Variants in AGBL5 observed in about 807,000 individuals in gnomAD.
AGBL5 encodes the protein AGBL carboxypeptidase 5, also known as cytosolic carboxypeptidase-like protein 5.
In AGBL5, 51 loss-of-function variants were observed where a neutral mutation model predicts 88.0. That is an observed-to-expected ratio of 0.58 (90% CI 0.46 to 0.73). AGBL5 has a LOEUF of 0.73. Among genes scored for constraint, AGBL5 ranks in the 30% least tolerant of loss-of-function variants. The pLI, the probability that AGBL5 is intolerant of heterozygous loss-of-function variation, is 0.00. For synonymous variants in AGBL5, 446 were observed against 438.8 expected (o/e 1.02, Z -0.21); for missense variants, 1,031 against 1,162.2 (o/e 0.89, Z 1.64).
At chr2:27,051,286 A>C (rs1268860114), upstream of AGBL5, 1 of 152,230 alleles carries the variant, frequency 6.6e-6, no homozygotes, top group South Asian at 2.1e-4. Context: ...CGCATCCTCC[A>C]CTCAGCTTTT....
intron 13 of AGBL5, 133 bp from the exon 14 acceptor site, chr2:27,069,440 A>G (rs1669165173): frequency 6.6e-7 from 1 of 1,515,290 alleles, no homozygotes; most frequent in Non-Finnish European, 8.8e-7. Context: ...CCTCTCAGCT[A>G]GAATTCAATG....
In AGBL5 at chr2:27,055,203, T is replaced by G. The variant is rs769317509; in HGVS notation, c.858T>G (p.Phe286Leu). The G allele has an allele frequency of 1.2e-6, 2 of 1,614,206 alleles. No homozygotes were observed. The highest frequency in any genetic ancestry group is 1.7e-6 in the Non-Finnish European group (2 of 1,180,042). The change falls in exon 6 of 15, where the codon TTT becomes TTG. Residue 286 changes from phenylalanine to leucine, a missense_variant. Around this residue, in one of 2 missense-constraint regions of AGBL5, gnomAD observed 540 missense variants for 678.2 expected, o/e 0.80. Coordinates refer to ENST00000360131, the MANE Select transcript of AGBL5 (RefSeq NM_021831.6). ...AAACCCTCCGTCGCCTCTTCGTCTT[T>G]AAGCTGATTCCCATGTTGAACCCCG... ...RAQTLRRLFVFKLIPMLNPDG... is the reference protein window; with the variant it reads ...RAQTLRRLFVLKLIPMLNPDG...
Position 27,053,349 on chromosome 2 carries a change from CA to C in AGBL5, c.216-52del. On this transcript the variant is annotated intron_variant, in intron 2 of 14. Coordinates refer to ENST00000360131, the MANE Select transcript of AGBL5 (RefSeq NM_021831.6). This position sits in a 1 kb window ranked among gnomAD's most constrained non-coding sequence, Gnocchi z 4.9. Reference sequence around the variant, plus strand: ...GGCTGGCTCCGGCTCTCCCACAGACCATATCTCCAACCCTTCCACACGTAAT... The same window carrying C: ...GGCTGGCTCCGGCTCTCCCACAGACCTATCTCCAACCCTTCCACACGTAAT... 6.3e-7 allele frequency: 1 copy of C among 1,587,690 alleles called. No homozygotes were observed. The highest frequency in any genetic ancestry group is 8.6e-7 in the Non-Finnish European group (1 of 1,165,012).
Position 27,069,448 on chromosome 2 carries a change from A to G in AGBL5, c.2356-125A>G, listed in dbSNP as rs147447302. The G allele has an allele frequency of 5.0e-4, 763 of 1,516,122 alleles. 12 individuals are homozygous for G. The South Asian group carries it at 7.8e-3, about 15-fold the overall frequency. 93.9% of individuals were successfully genotyped at this position (1,516,122 alleles called of 1,614,324 possible). A position where few individuals can be genotyped will look rare whatever the true frequency, so the allele number is the denominator to read the frequency against. On this transcript the variant is annotated intron_variant, in intron 13 of 14. Transcript: ENST00000360131. ...GCCTCACCCTCTCAGCTAGAATTCA[A>G]TGTCCCAGTACCTCTACTGATCCCT...
chr2:27,068,026 C>T (rs977556767), intron 12 of AGBL5, among the ~76,000 whole-genome samples: 1 of 152,226 alleles, frequency 6.6e-6, no homozygotes, highest in Non-Finnish European at 1.5e-5. Context: ...CCTGTCAACA[C>T]TGCTAAATGC....
chr2:27,067,771 C>A, intron 12 of AGBL5, 125 bp downstream of exon 12: 1 of 1,058,452 alleles, frequency 9.4e-7, no homozygotes, highest in Non-Finnish European at 1.5e-6. Context: ...ACCTCTAACA[C>A]TGGTGCCTTT....
Position 27,070,307 on chromosome 2 carries a change from G to A in AGBL5, c.*44G>A, listed in dbSNP as rs775448342. The A allele has an allele frequency of 9.4e-6, 15 of 1,593,010 alleles. No homozygotes were observed. The African/African-American group carries it at 1.3e-4, about 14-fold the overall frequency. On this transcript the variant is annotated 3_prime_UTR_variant, in exon 15 of 15. Coordinates refer to ENST00000360131, the MANE Select transcript of AGBL5 (RefSeq NM_021831.6). The stretch of plus-strand genomic sequence containing the variant: ...GCCCAGGATATAGCCCCAAGATGGG[G>A]TAACAGTGGGAAATATGCTAGTTCC...
intron 11 of AGBL5, 68 bp downstream of exon 11, chr2:27,059,472 G>A: frequency 6.2e-7 from 1 of 1,602,386 alleles, no homozygotes; most frequent in Non-Finnish European, 8.5e-7. Flanking sequence ...GGAAGTAAGA[G>A]CTTGAAGATA....
At position 27,067,836 on chromosome 2, in the gene AGBL5, T is replaced by C. The variant is rs939822999; in HGVS notation, c.2242+190T>C. The C allele has an allele frequency of 1.0e-5, 7 of 701,080 alleles. No homozygotes were observed. The African/African-American group carries it at 1.1e-4, about 11-fold the overall frequency. The allele number at this position is 701,080 out of a possible 1,614,324, so 43.4% of individuals were successfully genotyped here. On this transcript the variant is annotated intron_variant, in intron 12 of 14. Coordinates refer to ENST00000360131, the MANE Select transcript of AGBL5 (RefSeq NM_021831.6). The stretch of plus-strand genomic sequence containing the variant: ...CTGTGTAATAAAACAATAGTTAACA[T>C]TTACTGAACATTTACTATGTGCCAG...
chr2:27,053,115 G>C lies in AGBL5; in HGVS notation c.157G>C (p.Glu53Gln). Residue 53 changes from glutamate to glutamine, a missense_variant, in exon 2 of 15, where the codon GAA becomes CAA. Physicochemically the swap from Glu to Gln is conservative, Grantham distance 29. Transcript: ENST00000360131. This position sits in a 1 kb window ranked among gnomAD's most constrained non-coding sequence, Gnocchi z 4.9. ...TGGCATTGCCTCTTCCCCTGACTATGAATTCAACGTGTGGACCCGACCAGA... is the reference window on the plus strand; with the variant it reads ...TGGCATTGCCTCTTCCCCTGACTATCAATTCAACGTGTGGACCCGACCAGA... Reference protein sequence around the residue: ...TSGIASSPDYEFNVWTRPDCA... With the variant: ...TSGIASSPDYQFNVWTRPDCA... The C allele has an allele frequency of 6.2e-7, 1 of 1,612,830 alleles. No individual in the cohort carries two copies. Among genetic ancestry groups the C allele is most frequent in the Non-Finnish European group, 8.5e-7 (1 of 1,179,202 alleles).
chr2:27,063,411 T>G (rs1030824743), intron 11 of AGBL5, among the ~76,000 whole-genome samples: 3 of 152,040 alleles, frequency 2.0e-5, no homozygotes, highest in African/African-American at 7.3e-5. Flanking sequence ...CTGGCTAACA[T>G]GGTGAAACCC....
intron 5 of AGBL5, 54 bp from the exon 6 acceptor site, chr2:27,055,021 C>T (rs1668359198): frequency 6.3e-7 from 1 of 1,577,384 alleles, no homozygotes; most frequent in Admixed American, 1.7e-5. Context: ...CATATACTGT[C>T]AAAGTAGAAC....
chr2:27,063,012 G>C (rs1053859217), intron 11 of AGBL5: 2 of 152,220 alleles, frequency 1.3e-5, no homozygotes, highest in Non-Finnish European at 2.9e-5. Flanking sequence ...CACTGTCTGT[G>C]AACTGTACAT....
At chr2:27,054,163 C>A in intron 4 of AGBL5, 104 bp downstream of exon 4, 3 of 1,380,840 alleles carry the variant, frequency 2.2e-6, no homozygotes, top group Non-Finnish European at 2.9e-6. Context: ...TTTCATCCGT[C>A]TTTTTTCTGT....
chr2:27,067,815 G>T, intron 12 of AGBL5, 169 bp downstream of exon 12: 1 of 765,350 alleles, frequency 1.3e-6, no homozygotes, highest in South Asian at 1.5e-5. Context: ...ATGTGTCTGT[G>T]TAATAAAACA....
chr2:27,068,040 G>A (rs960648527), intron 12 of AGBL5, among the ~76,000 whole-genome samples: 1 of 152,162 alleles, frequency 6.6e-6, no homozygotes, highest in Non-Finnish European at 1.5e-5. Context: ...TAAATGCTGT[G>A]TGTAGCCGTA....
At chr2:27,066,861 G>A (rs764490018) in intron 11 of AGBL5, among the ~76,000 whole-genome samples, 4 of 152,094 alleles carry the variant, frequency 2.6e-5, no homozygotes, top group African/African-American at 9.7e-5. Flanking sequence ...AAGGCGGGTG[G>A]ATCAGAAGGT....
At chr2:27,050,772 C>T (rs376395063), upstream of AGBL5, among the ~76,000 whole-genome samples, 8 of 151,972 alleles carry the variant, frequency 5.3e-5, no homozygotes, top group African/African-American at 1.2e-4. Context: ...AGCATCTTAT[C>T]GCAGCGGAGC....
At chr2:27,060,735 T>G (rs1668675858) in intron 11 of AGBL5, among the ~76,000 whole-genome samples, 1 of 152,240 alleles carries the variant, frequency 6.6e-6, no homozygotes, top group Admixed American at 6.5e-5. Context: ...ACAGGCAACT[T>G]GATTATCTGC....
Sources: allele counts gnomAD v4.1 joint callset (sites outside exome capture counted in the v4.1 genomes callset), GRCh38; gene constraint gnomAD v4.1.1; regional missense constraint gnomAD v4.1.1; non-coding constraint Gnocchi (gnomAD v3.1); transcripts MANE v1.5; gene names NCBI Gene and HGNC (gene_info 2026-07-23, HGNC 2026-07-21).